SFXN5: variants seen among roughly 807,000 people sequenced by gnomAD.
SFXN5 encodes the protein sideroflexin-5.
SFXN5 carries 43 observed loss-of-function variants against 50.2 expected under a neutral mutation model. The observed-to-expected ratio is 0.86, with a 90% confidence interval of 0.67 to 1.11. The LOEUF is 1.11. SFXN5 is among the 50% of genes least tolerant of loss of function. The probability of loss-of-function intolerance (pLI) is 0.00; values close to 1 mark genes in which losing one functional copy is unlikely to be tolerated. For missense variants in SFXN5, 463 were observed against 454.1 expected (o/e 1.02, Z -0.18); for synonymous variants, 203 against 185.8 (o/e 1.09, Z -0.75).
chr2:72,959,984 G>A (rs184792721), intron 13 of SFXN5, among the ~76,000 whole-genome samples: 8 of 152,196 alleles, frequency 5.3e-5, no homozygotes, highest in Admixed American at 2.6e-4. Context: ...ATCTCATGGA[G>A]TGTGACCTCT....
chr2:73,035,930 T>C (rs896482833), intron 3 of SFXN5, among the ~76,000 whole-genome samples: 1 of 152,146 alleles, frequency 6.6e-6, no homozygotes, highest in African/African-American at 2.4e-5. Context: ...TGGTGAGGTG[T>C]TGTACCTGGA....
At chr2:73,025,769 C>A (rs1427311311) in intron 3 of SFXN5, among the ~76,000 whole-genome samples, 2 of 152,132 alleles carry the variant, frequency 1.3e-5, no homozygotes, top group Non-Finnish European at 2.9e-5. Flanking sequence ...AAGGTGCAGG[C>A]GGCATGGCCA....
At chr2:73,018,528 G>A (rs936265127) in intron 6 of SFXN5, among the ~76,000 whole-genome samples, 9 of 152,148 alleles carry the variant, frequency 5.9e-5, no homozygotes, top group African/African-American at 2.2e-4. Flanking sequence ...TAAAGAAAGA[G>A]GCAGAAGGGA....
At position 72,950,403 on chromosome 2, in the gene SFXN5, C is replaced by T. The variant is rs967531123; in HGVS notation, c.946-5304G>A. Among the ~76,000 whole-genome samples the T allele has an allele frequency of 6.6e-6, 1 of 152,218 alleles. No individual in the cohort carries two copies. Among genetic ancestry groups the T allele is most frequent in the African/African-American group, 2.4e-5 (1 of 41,450 alleles). On this transcript the variant is annotated intron_variant, in intron 13 of 13. Coordinates refer to ENST00000272433, the MANE Select transcript of SFXN5 (RefSeq NM_144579.3). The surrounding 1 kb of genome is among the most constrained non-coding windows in gnomAD (Gnocchi z 4.2). The stretch of plus-strand genomic sequence containing the variant: ...TGGTTCATAGCCTCTCACTCTATCC[C>T]AGGCCAACTTAACTGGTCATTTGTT...
intron 4 of SFXN5, among the ~76,000 whole-genome samples, 169 bp downstream of exon 4, chr2:73,023,019 G>C (rs1677094032): frequency 6.6e-6 from 1 of 152,174 alleles, no homozygotes; most frequent in African/African-American, 2.4e-5. Context: ...AGACTTCAGA[G>C]ACTCTGGCCC....
At position 72,982,391 on chromosome 2, in the gene SFXN5, T is replaced by C. The variant is rs543438074; in HGVS notation, c.625+5867A>G. Among the ~76,000 whole-genome samples, 157 of 152,298 alleles carry C rather than the reference T, an allele frequency of 1.0e-3. 1 individual carries two copies. Among genetic ancestry groups the C allele is most frequent in the Middle Eastern group, 3.4e-3 (1 of 294 alleles). Reference sequence around the variant, plus strand: ...AAGTGGAAAAGGTCCAGAATAAATGTCCAGGTAGCTACAGAATCTGGCCAC... The same window carrying C: ...AAGTGGAAAAGGTCCAGAATAAATGCCCAGGTAGCTACAGAATCTGGCCAC... On this transcript the variant is annotated intron_variant, in intron 10 of 13. Transcript: ENST00000272433.
chr2:73,020,591 G>A (rs1432125126), intron 5 of SFXN5, among the ~76,000 whole-genome samples: 1 of 152,186 alleles, frequency 6.6e-6, no homozygotes, highest in Non-Finnish European at 1.5e-5. Context: ...ACGATTTCCT[G>A]CGAGGCACGA....
At chr2:72,974,260 A>G (rs1670366453) in intron 10 of SFXN5, among the ~76,000 whole-genome samples, 1 of 152,084 alleles carries the variant, frequency 6.6e-6, no homozygotes, top group Non-Finnish European at 1.5e-5. Context: ...AACAGAAGAG[A>G]GAGTGTGGAT....
At chr2:73,033,426 G>A (rs1021899117) in intron 3 of SFXN5, among the ~76,000 whole-genome samples, 4 of 152,336 alleles carry the variant, frequency 2.6e-5, no homozygotes, top group South Asian at 2.1e-4. Context: ...AATAGACCAG[G>A]ACAAGAGGAT....
Position 72,943,400 on chromosome 2 carries a change from T to G in SFXN5, c.*1622A>C, listed in dbSNP as rs1671627017. On this transcript the variant is annotated 3_prime_UTR_variant, in exon 14 of 14. Coordinates refer to ENST00000272433, the MANE Select transcript of SFXN5 (RefSeq NM_144579.3). ...CTGGGGCTGCAGGTGGAGGCTTCCA[T>G]TCTAGGTGGGGTCAGGAGGGGGCTG... 1 of 152,616 alleles carries G rather than the reference T, an allele frequency of 6.6e-6. No individual in the cohort carries two copies. The highest frequency in any genetic ancestry group is 2.4e-5 in the African/African-American group (1 of 41,448). 9.5% of individuals were successfully genotyped at this position (152,616 alleles called of 1,614,324 possible).
chr2:72,959,849 G>T (rs1673509671), intron 13 of SFXN5, among the ~76,000 whole-genome samples: 1 of 152,128 alleles, frequency 6.6e-6, no homozygotes, highest in Middle Eastern at 3.2e-3. Context: ...AGCCCCTCCT[G>T]ATCCCACATC....
chr2:72,964,113 C>T (rs1037121163), intron 12 of SFXN5, among the ~76,000 whole-genome samples: 18 of 152,238 alleles, frequency 1.2e-4, no homozygotes, highest in African/African-American at 3.4e-4. Context: ...AAGTATCAAC[C>T]GAGGCCAGAG....
At chr2:72,989,225 T>C (rs1262745096) in intron 9 of SFXN5, among the ~76,000 whole-genome samples, 1 of 152,116 alleles carries the variant, frequency 6.6e-6, no homozygotes. Flanking sequence ...CATGGGGCCT[T>C]TGCAGTGCTG....
chr2:72,950,952 G>A lies in SFXN5; in HGVS notation c.946-5853C>T, dbSNP rs1253474406. On this transcript the variant is annotated intron_variant, in intron 13 of 13. Coordinates refer to ENST00000272433, the MANE Select transcript of SFXN5 (RefSeq NM_144579.3). This position sits in a 1 kb window ranked among gnomAD's most constrained non-coding sequence, Gnocchi z 4.2. ...TGGCCCAGGCCCAGGCAGCCAGCTCGGGGCGGGCTGGAATCCGTGGGCCCA... is the reference window on the plus strand; with the variant it reads ...TGGCCCAGGCCCAGGCAGCCAGCTCAGGGCGGGCTGGAATCCGTGGGCCCA... 6.6e-6 allele frequency among the ~76,000 whole-genome samples: 1 copy of A among 152,186 alleles called. No individual in the cohort carries two copies. The highest frequency in any genetic ancestry group is 1.5e-5 in the Non-Finnish European group (1 of 68,018).
intron 6 of SFXN5, among the ~76,000 whole-genome samples, chr2:73,010,088 GT>G (rs1675304469): frequency 1.3e-5 from 2 of 152,172 alleles, no homozygotes; most frequent in Admixed American, 1.3e-4. Flanking sequence ...CTTTTAAAGT[GT>G]TGATGGAATA....
intron 13 of SFXN5, among the ~76,000 whole-genome samples, chr2:72,955,570 C>T (rs1217436687): frequency 6.6e-6 from 1 of 152,188 alleles, no homozygotes; most frequent in Non-Finnish European, 1.5e-5. Flanking sequence ...GGGGCCTTGG[C>T]CAAGGTACTG....
chr2:73,066,082 C>T (rs1683158034), intron 1 of SFXN5, among the ~76,000 whole-genome samples: 1 of 152,116 alleles, frequency 6.6e-6, no homozygotes, highest in African/African-American at 2.4e-5. Flanking sequence ...CACTAGGCAG[C>T]TGGAGTAGTG....
At chr2:73,007,203 C>T (rs73943036) in intron 6 of SFXN5, among the ~76,000 whole-genome samples, 1 of 152,068 alleles carries the variant, frequency 6.6e-6, no homozygotes, top group Non-Finnish European at 1.5e-5. Context: ...CCCCCACCCC[C>T]TTGGCCACCT....
chr2:73,017,958 C>T (rs1676379868), intron 6 of SFXN5, among the ~76,000 whole-genome samples: 1 of 152,094 alleles, frequency 6.6e-6, no homozygotes, highest in Non-Finnish European at 1.5e-5. Context: ...AATCTCAGCA[C>T]TTTAGGAGGC....
Sources: allele counts gnomAD v4.1 joint callset (sites outside exome capture counted in the v4.1 genomes callset), GRCh38; gene constraint gnomAD v4.1.1; non-coding constraint Gnocchi (gnomAD v3.1); transcripts MANE v1.5; gene names NCBI Gene and HGNC (gene_info 2026-07-23, HGNC 2026-07-21).